DNAH14: variants seen among roughly 807,000 people sequenced by gnomAD.
DNAH14 encodes dynein axonemal heavy chain 14, also known as axonemal beta dynein heavy chain 14.
DNAH14 carries 478 observed loss-of-function variants against 520.9 expected under a neutral mutation model. That is an observed-to-expected ratio of 0.92 (90% CI 0.85 to 0.99). The LOEUF is 0.99. Among genes scored for constraint, DNAH14 ranks in the 50% least tolerant of loss-of-function variants. DNAH14 has a pLI of 0.00. For synonymous variants in DNAH14, 1,581 were observed against 1,757.2 expected (o/e 0.90, Z 2.51); for missense variants, 4,831 against 5,234.5 (o/e 0.92, Z 2.38).
At chr1:225,290,643 GTGTGTATATATATATATATATATATATA>G (rs1440637958) in intron 55 of DNAH14, among the ~76,000 whole-genome samples, 5 of 51,154 alleles carry the variant, frequency 9.8e-5, no homozygotes, top group Admixed American at 2.6e-4. Flanking sequence ...GTGTGTGTGT[GTGTGTATATATATATATATATATATATA>G]TATATATATA....
chr1:224,943,407 A>T (rs1342570240), intron 1 of DNAH14, among the ~76,000 whole-genome samples: 1 of 151,872 alleles, frequency 6.6e-6, no homozygotes, highest in East Asian at 1.9e-4. Flanking sequence ...TAGTCTTGCT[A>T]GCGGTCTATC....
intron 17 of DNAH14, among the ~76,000 whole-genome samples, chr1:225,057,568 G>A (rs918296898): frequency 7.2e-5 from 11 of 152,092 alleles, no homozygotes; most frequent in African/African-American, 2.4e-4. Context: ...ACACTATGTT[G>A]AATAAGAGTG....
intron 46 of DNAH14, among the ~76,000 whole-genome samples, chr1:225,259,492 A>G (rs1018713263): frequency 6.6e-6 from 1 of 152,160 alleles, no homozygotes; most frequent in Non-Finnish European, 1.5e-5. Flanking sequence ...TGATGCTTTG[A>G]TGTATATACA....
intron 84 of DNAH14, chr1:225,398,206 C>A (rs918931999): frequency 1.2e-5 from 3 of 255,718 alleles, no homozygotes; most frequent in Non-Finnish European, 2.2e-5. Flanking sequence ...CTAAAAAGCT[C>A]GGCTACACGA....
chr1:225,057,922 T>A (rs2069372018), intron 17 of DNAH14, among the ~76,000 whole-genome samples: 1 of 152,218 alleles, frequency 6.6e-6, no homozygotes. Flanking sequence ...GCTGCTGGAT[T>A]CAGTTTGCCA....
intron 66 of DNAH14, among the ~76,000 whole-genome samples, chr1:225,333,730 T>C (rs1574835965): frequency 6.6e-6 from 1 of 152,264 alleles, no homozygotes; most frequent in East Asian, 1.9e-4. Flanking sequence ...TCACAAAATA[T>C]CCCTTTTCCC....
chr1:225,038,647 T>C (rs1054542910), intron 11 of DNAH14, 47 bp from the exon 12 acceptor site: 4 of 1,493,146 alleles, frequency 2.7e-6, no homozygotes, highest in Admixed American at 5.3e-5. Context: ...TATATGTAGA[T>C]ATAAATGATT....
intron 4 of DNAH14, 39 bp downstream of exon 4, chr1:224,960,341 A>G (rs751772558): frequency 2.7e-6 from 4 of 1,467,400 alleles, no homozygotes; most frequent in Non-Finnish European, 1.8e-6. Context: ...AGAAATCACT[A>G]TACTTTTTCA....
Position 224,960,295 on chromosome 1 carries a change from T to C in DNAH14, c.360T>C (p.Asp120=). Residue 120 remains aspartate (D), a synonymous_variant, in exon 4 of 86, where the codon GAT becomes GAC. Transcript: ENST00000682510. ...GGAAAGCCAGGCCTGTGTCCTATGA[T>C]AGAACAGGTATGTGGTATCACTGAA... ...NVRKARPVSY[D]RTEPKDDDVI... 1 of 1,597,180 alleles carries C rather than the reference T, an allele frequency of 6.3e-7. No individual in the cohort carries two copies. The highest frequency in any genetic ancestry group is 8.5e-7 in the Non-Finnish European group (1 of 1,173,998).
In DNAH14 at chr1:225,239,827, C is replaced by T. The variant is rs574357093; in HGVS notation, c.6519-766C>T. Among the ~76,000 whole-genome samples the T allele has an allele frequency of 1.5e-4, 23 of 152,298 alleles. No homozygotes were observed. The South Asian group carries it at 4.6e-3, about 30-fold the overall frequency. Reference sequence around the variant, plus strand: ...CAAATGAACTGTACATTAATGATTGCTAATAAATTCCAGTTTAGTGACATA... The same window carrying T: ...CAAATGAACTGTACATTAATGATTGTTAATAAATTCCAGTTTAGTGACATA... On this transcript the variant is annotated intron_variant, in intron 42 of 85. Coordinates refer to ENST00000682510, the MANE Select transcript of DNAH14 (RefSeq NM_001367479.1).
intron 1 of DNAH14, among the ~76,000 whole-genome samples, chr1:224,951,015 A>G (rs2060137118): frequency 6.6e-6 from 1 of 151,904 alleles, no homozygotes; most frequent in Non-Finnish European, 1.5e-5. Flanking sequence ...TGAAATATTT[A>G]CTCTTTGGCT....
chr1:224,965,467 T>C (rs995135390), intron 5 of DNAH14, among the ~76,000 whole-genome samples: 3 of 151,984 alleles, frequency 2.0e-5, no homozygotes, highest in African/African-American at 7.2e-5. Flanking sequence ...TATTTTAGAT[T>C]TTGAAACTAC....
intron 74 of DNAH14, among the ~76,000 whole-genome samples, chr1:225,360,398 G>A (rs551243294): frequency 1.5e-4 from 23 of 152,248 alleles, no homozygotes; most frequent in Admixed American, 9.2e-4. Flanking sequence ...CAGCCATCTC[G>A]AACAACACTG....
chr1:225,168,436 C>T (rs921151046), intron 36 of DNAH14, among the ~76,000 whole-genome samples: 1 of 152,202 alleles, frequency 6.6e-6, no homozygotes, highest in African/African-American at 2.4e-5. Context: ...CCTGGAAAAT[C>T]AGGTCACTCC....
At chr1:225,271,803 T>A in intron 50 of DNAH14, 103 bp from the exon 51 acceptor site, 1 of 824,400 alleles carries the variant, frequency 1.2e-6, no homozygotes, top group Non-Finnish European at 1.9e-6. Context: ...ATGAAATTAA[T>A]CCTCCATTAT....
At chr1:224,971,301 A>C (rs564968949) in intron 7 of DNAH14, among the ~76,000 whole-genome samples, 13 of 152,202 alleles carry the variant, frequency 8.5e-5, no homozygotes, top group Non-Finnish European at 1.9e-4. Flanking sequence ...AAACAGAAAA[A>C]TAATATTTTA....
At chr1:224,997,715 T>C (rs78926609) in intron 8 of DNAH14, among the ~76,000 whole-genome samples, 1,669 of 152,246 alleles carry the variant, frequency 0.011, 17 homozygotes, top group Non-Finnish European at 0.016. Flanking sequence ...TTTTAAATTA[T>C]GAATTCAATT....
At chr1:225,169,878 G>A (rs1010602348) in intron 36 of DNAH14, among the ~76,000 whole-genome samples, 1 of 152,186 alleles carries the variant, frequency 6.6e-6, no homozygotes, top group Non-Finnish European at 1.5e-5. Context: ...AGAAAGGTCG[G>A]GTTACCCACA....
intron 49 of DNAH14, among the ~76,000 whole-genome samples, chr1:225,269,493 C>T (rs571651047): frequency 2.0e-4 from 30 of 152,274 alleles, no homozygotes; most frequent in Non-Finnish European, 2.6e-4. Flanking sequence ...TCTAATTAAA[C>T]GAAAGAGCTT....
Sources: gnomAD v4.1 joint callset for allele counts (sites outside exome capture counted in the v4.1 genomes callset) on GRCh38, gnomAD v4.1.1 for gene constraint, MANE v1.5 for transcripts, NCBI Gene and HGNC (gene_info 2026-07-23, HGNC 2026-07-21) for gene names.